Variants in TAF4 observed in about 807,000 individuals in gnomAD.
TAF4 encodes transcription initiation factor TFIID subunit 4.
A neutral mutation model predicts 90.3 loss-of-function variants in TAF4; 9 were observed. The ratio of observed to expected loss-of-function variants is 0.10; its 90% CI spans 0.06 to 0.17. The LOEUF is 0.17. Among genes scored for constraint, TAF4 ranks in the 10% least tolerant of loss-of-function variants. TAF4 has a pLI of 1.00. For synonymous variants in TAF4, 818 were observed against 638.9 expected (o/e 1.28, Z -4.23); for missense variants, 1,351 against 1,370.7 (o/e 0.99, Z 0.23).
chr20:62,003,515 A>C (rs891418140), intron 8 of TAF4, among the ~76,000 whole-genome samples: 1 of 152,242 alleles, frequency 6.6e-6, no homozygotes, highest in East Asian at 1.9e-4. Flanking sequence ...ACAGATAAAG[A>C]AGCTAACCAT....
At chr20:62,004,224 A>G (rs554247264) in intron 7 of TAF4, among the ~76,000 whole-genome samples, 1 of 152,152 alleles carries the variant, frequency 6.6e-6, no homozygotes, top group Admixed American at 6.5e-5. Flanking sequence ...CCCAGGATGG[A>G]GCAGACCACT....
intron 14 of TAF4, among the ~76,000 whole-genome samples, chr20:61,983,353 A>G (rs2055562402): frequency 6.6e-6 from 1 of 152,118 alleles, no homozygotes; most frequent in South Asian, 2.1e-4. Context: ...AAAAAGAAAC[A>G]CAGCAAATAT....
At chr20:62,053,579 G>A (rs1376153534) in intron 1 of TAF4, among the ~76,000 whole-genome samples, 2 of 152,180 alleles carry the variant, frequency 1.3e-5, no homozygotes, top group African/African-American at 4.8e-5. Flanking sequence ...GCCCGTCCAC[G>A]CCGACCTGCA....
At position 61,999,027 on chromosome 20, in the gene TAF4, T is replaced by A. The variant is rs1260769096; in HGVS notation, c.2869A>T (p.Arg957Trp). Reference protein sequence around the residue: ...FEQLDQIEKQRKDEQEREILM... With the variant: ...FEQLDQIEKQWKDEQEREILM... Reference sequence around the variant, plus strand: ...ATCTCCCGCTCCTGCTCATCCTTCCTCTGCTTTTCGATTTGATCAAGCTGT... The same window carrying A: ...ATCTCCCGCTCCTGCTCATCCTTCCACTGCTTTTCGATTTGATCAAGCTGT... The change falls in exon 12 of 15, where the codon AGG becomes TGG. Residue 957 changes from arginine (R) to tryptophan (W), a missense_variant. By Grantham distance (101) the Arg-to-Trp change is moderately radical (BLOSUM62 -3). Transcript: ENST00000252996. The A allele has an allele frequency of 6.2e-7, 1 of 1,614,002 alleles. No individual in the cohort carries two copies. The highest frequency in any genetic ancestry group is 8.5e-7 in the Non-Finnish European group (1 of 1,180,048).
chr20:61,999,510 G>A (rs2055685179), intron 11 of TAF4, among the ~76,000 whole-genome samples: 1 of 152,242 alleles, frequency 6.6e-6, no homozygotes, highest in South Asian at 2.1e-4. Flanking sequence ...CACCCAGTGT[G>A]CCCTTGGAAG....
At position 62,065,145 on chromosome 20, in the gene TAF4, G is replaced by A. The variant is rs771906802; in HGVS notation, c.666C>T (p.Pro222=). 1.2e-5 allele frequency: 14 copies of A among 1,194,054 alleles called. No homozygotes were observed. The highest frequency in any genetic ancestry group is 1.2e-4 in the South Asian group (8 of 69,434). The allele number at this position is 1,194,054 out of a possible 1,614,324, so 74.0% of individuals were successfully genotyped here. ...APAVSLVNNG[P]AALLPLPKPA... is the part of the protein sequence containing the mutation. ...GCTTGGGCAGCGGCAGCAGCGCGGC[G>A]GGCCCGTTGTTGACCAGGCTGACAG... is the stretch of plus-strand genomic sequence containing the variant. Residue 222 remains proline (P), a synonymous_variant, in exon 1 of 15, where the codon CCC becomes CCT. Coordinates refer to ENST00000252996, the MANE Select transcript of TAF4 (RefSeq NM_003185.4).
intron 14 of TAF4, among the ~76,000 whole-genome samples, chr20:61,977,184 C>T (rs2055500859): frequency 1.4e-5 from 2 of 141,388 alleles, no homozygotes; most frequent in African/African-American, 2.5e-5. Context: ...GCCACACACA[C>T]GACACCGCCC....
At chr20:62,012,522 AC>A in intron 3 of TAF4, 1 of 259,834 alleles carries the variant, frequency 3.8e-6, no homozygotes, top group Non-Finnish European at 7.2e-6. Flanking sequence ...ATGATCAAGT[AC>A]TAGTAAGGAC....
At chr20:62,008,838 G>A (rs950141448) in intron 5 of TAF4, 17 of 495,712 alleles carry the variant, frequency 3.4e-5, no homozygotes, top group South Asian at 4.8e-5. Flanking sequence ...ACCTCCAGGC[G>A]CCGGCCCCAG....
chr20:62,059,216 A>G (rs1222351580), intron 1 of TAF4, among the ~76,000 whole-genome samples: 2 of 152,244 alleles, frequency 1.3e-5, no homozygotes, highest in African/African-American at 4.8e-5. Flanking sequence ...CCTGGAGAAG[A>G]GCCTGGGACC....
At chr20:61,986,083 A>G in intron 14 of TAF4, among the ~76,000 whole-genome samples, 1 of 120,494 alleles carries the variant, frequency 8.3e-6, no homozygotes, top group Admixed American at 8.1e-5. Flanking sequence ...AGGAAACACC[A>G]TCCCCCATCA....
At position 62,003,229 on chromosome 20, in the gene TAF4, G is replaced by A. The variant is rs1345489006; in HGVS notation, c.2417C>T (p.Ser806Phe). 1.2e-6 allele frequency: 2 copies of A among 1,614,172 alleles called. No individual in the cohort carries two copies. Among genetic ancestry groups the A allele is most frequent in the African/African-American group, 1.3e-5 (1 of 75,040 alleles). ...AGCAGCTGCTTGTGCCGAGACAGCAGAAAGGGCTTTGGTTCCAGGTAACAC... is the reference window on the plus strand; with the variant it reads ...AGCAGCTGCTTGTGCCGAGACAGCAAAAAGGGCTTTGGTTCCAGGTAACAC... ...PAVLPGTKAL[S>F]AVSAQAAAAQ... Residue 806 changes from serine to phenylalanine, a missense_variant, in exon 9 of 15, where the codon TCT (serine) becomes TTT (phenylalanine). Transcript: ENST00000252996.
chr20:61,980,239 G>A (rs549596985), intron 14 of TAF4: 2 of 152,408 alleles, frequency 1.3e-5, no homozygotes, highest in East Asian at 1.9e-4. Flanking sequence ...ACTCAGTATC[G>A]AAGCCAAATG....
chr20:62,026,159 G>A (rs1231229582), intron 1 of TAF4, among the ~76,000 whole-genome samples: 1 of 152,082 alleles, frequency 6.6e-6, no homozygotes, highest in Non-Finnish European at 1.5e-5. Context: ...GCTAGCACAC[G>A]ACCTTCCCCC....
intron 14 of TAF4, among the ~76,000 whole-genome samples, chr20:61,992,236 A>G (rs1291844960): frequency 6.6e-6 from 1 of 152,380 alleles, no homozygotes; most frequent in Non-Finnish European, 1.5e-5. Flanking sequence ...GGTGTGTAAC[A>G]GCTAAATGTT....
intron 14 of TAF4, among the ~76,000 whole-genome samples, chr20:61,987,669 T>C (rs6142912): frequency 1.6e-4 from 25 of 152,334 alleles, no homozygotes; most frequent in South Asian, 2.1e-4. Context: ...GGCGGTTTCT[T>C]ACAAAACTAA....
At chr20:61,981,628 A>T (rs1346708518) in intron 14 of TAF4, among the ~76,000 whole-genome samples, 1 of 152,172 alleles carries the variant, frequency 6.6e-6, no homozygotes. Context: ...CAGAATCGAG[A>T]CACAGAAAGG....
chr20:62,038,597 C>G lies in TAF4; in HGVS notation c.1361-23890G>C, dbSNP rs559846561. ...AAGAATAAATTTAACAAAGTATGTT[C>G]AGGATACAAACACTGAGAACTTGAA... On this transcript the variant is annotated intron_variant, in intron 1 of 14. Coordinates refer to ENST00000252996, the MANE Select transcript of TAF4 (RefSeq NM_003185.4). 2.0e-5 allele frequency among the ~76,000 whole-genome samples: 3 copies of G among 152,304 alleles called. No individual in the cohort carries two copies. In the East Asian group the frequency reaches 5.8e-4, roughly 29 times the overall value.
chr20:62,026,596 G>A lies in TAF4; in HGVS notation c.1361-11889C>T, dbSNP rs114139402. On this transcript the variant is annotated intron_variant, in intron 1 of 14. Transcript: ENST00000252996. ...CTCCAGCCCCCATCTCCACAAAGCC[G>A]CAGGTGGACAGACTGCGCGCACCCT... Among the ~76,000 whole-genome samples, 588 of 152,268 alleles carry A rather than the reference G, an allele frequency of 3.9e-3. 3 individuals are homozygous for A. The highest frequency in any genetic ancestry group is 0.013 in the African/African-American group (553 of 41,566).
Sources: allele counts gnomAD v4.1 joint callset (sites outside exome capture counted in the v4.1 genomes callset), GRCh38; gene constraint gnomAD v4.1.1; transcripts MANE v1.5; gene names NCBI Gene and HGNC (gene_info 2026-07-23, HGNC 2026-07-21).